Variants in PDE4D observed in about 807,000 individuals in gnomAD.
PDE4D encodes 3',5'-cyclic-AMP phosphodiesterase 4D.
A neutral mutation model predicts 87.4 loss-of-function variants in PDE4D; 24 were observed. The ratio of observed to expected loss-of-function variants is 0.27; its 90% CI spans 0.20 to 0.39. The LOEUF (loss-of-function observed/expected upper bound fraction) is 0.39, where lower values mean the gene tolerates loss of function less well. Ranked by LOEUF, PDE4D falls within the 10% of genes least tolerant of loss-of-function variation. The probability of loss-of-function intolerance (pLI) is 1.00; values close to 1 mark genes in which losing one functional copy is unlikely to be tolerated. For missense variants in PDE4D, 714 were observed against 1,041.0 expected, an observed-to-expected ratio of 0.69 and a Z score of 4.32; for synonymous variants, 384 against 383.2, an observed-to-expected ratio of 1.00 and a Z score of -0.02.
chr5:60,019,712 G>A (rs1321396369), intron 2 of PDE4D, among the ~76,000 whole-genome samples: 1 of 152,244 alleles, frequency 6.6e-6, no homozygotes, highest in South Asian at 2.1e-4. Context: ...CTTGAGATTA[G>A]GCTTTGGTTT....
rs376685276 is a variant in PDE4D at position 60,372,842 on chromosome 5, G to T, written c.-90+115100C>A. On this transcript the variant is annotated intron_variant, in intron 1 of 16. Coordinates refer to the PDE4D transcript ENST00000502484. ...CTTAAAATCCCTGGTTCAATGCCTG[G>T]TAGATATTTTGTGCTTAGTAAATAT... is the stretch of plus-strand genomic sequence containing the variant. 56 of 152,270 alleles carry T rather than the reference G, an allele frequency of 3.7e-4. 1 individual carries two copies. The highest frequency in any genetic ancestry group is 1.3e-3 in the African/African-American group (55 of 41,564). The allele number at this position is 152,270 out of a possible 1,614,324, so 9.4% of individuals were successfully genotyped here.
In PDE4D at chr5:60,277,592, G is replaced by A. The variant is rs1050730357; in HGVS notation, c.-89-91905C>T. On this transcript the variant is annotated intron_variant, in intron 1 of 16. Coordinates refer to the PDE4D transcript ENST00000502484. ...AGTTCATAATATTACATCATATACT[G>A]AAATTTTGCTAAGAGAATAGATTTT... Among the ~76,000 whole-genome samples, 3 of 152,026 alleles carry A rather than the reference G, an allele frequency of 2.0e-5. No homozygotes were observed. The East Asian group carries it at 5.8e-4, about 29-fold the overall frequency.
chr5:59,629,570 G>A (rs957596803), intron 1 of PDE4D, among the ~76,000 whole-genome samples: 5 of 152,070 alleles, frequency 3.3e-5, no homozygotes, highest in African/African-American at 7.2e-5. Context: ...CACAGCCCTC[G>A]GAAAGAACCA....
At chr5:60,008,713 T>C (rs186632274) in intron 2 of PDE4D, among the ~76,000 whole-genome samples, 140 of 152,158 alleles carry the variant, frequency 9.2e-4, no homozygotes, top group African/African-American at 3.3e-3. Flanking sequence ...GGAAATAATG[T>C]CATATTATTG....
At chr5:60,041,617 G>C (rs1365815054) in intron 2 of PDE4D, among the ~76,000 whole-genome samples, 1 of 152,150 alleles carries the variant, frequency 6.6e-6, no homozygotes, top group Non-Finnish European at 1.5e-5. Context: ...CATCTCATTG[G>C]GACTGGTTAG....
At chr5:59,055,726 T>C (rs1762241412) in intron 5 of PDE4D, among the ~76,000 whole-genome samples, 1 of 152,174 alleles carries the variant, frequency 6.6e-6, no homozygotes, top group Non-Finnish European at 1.5e-5. Flanking sequence ...AGAATCCACA[T>C]ACTTCTTCTG....
chr5:59,703,575 T>A (rs1752925758), intron 1 of PDE4D: 1 of 534,390 alleles, frequency 1.9e-6, no homozygotes, highest in African/African-American at 1.9e-5. Flanking sequence ...TCTGGTGGTG[T>A]TTTCTTTGTC....
intron 1 of PDE4D, among the ~76,000 whole-genome samples, chr5:59,785,913 G>T (rs766051174): frequency 5.3e-5 from 8 of 151,862 alleles, no homozygotes; most frequent in African/African-American, 9.7e-5. Context: ...TCATATGGTT[G>T]GTCAGGTTAT....
chr5:59,907,508 A>C (rs1752972490), intron 3 of PDE4D, among the ~76,000 whole-genome samples: 1 of 152,090 alleles, frequency 6.6e-6, no homozygotes, highest in Non-Finnish European at 1.5e-5. Context: ...CTGGGTGATG[A>C]AATAAAATAA....
intron 1 of PDE4D, among the ~76,000 whole-genome samples, chr5:59,519,135 C>T (rs1394949418): frequency 1.3e-5 from 2 of 152,098 alleles, no homozygotes; most frequent in African/African-American, 4.8e-5. Flanking sequence ...CTCCTCTTCC[C>T]TTCTTCCTTC....
chr5:59,335,608 T>C (rs1777524013), intron 1 of PDE4D, among the ~76,000 whole-genome samples: 1 of 151,400 alleles, frequency 6.6e-6, no homozygotes, highest in Non-Finnish European at 1.5e-5. Context: ...TGATGAAGAC[T>C]TTTTTTTTAA....
At chr5:59,109,772 G>A (rs961949932) in intron 5 of PDE4D, among the ~76,000 whole-genome samples, 1 of 152,126 alleles carries the variant, frequency 6.6e-6, no homozygotes, top group Non-Finnish European at 1.5e-5. Context: ...TCTTTCAGGG[G>A]CAAATTATGA....
intron 1 of PDE4D, among the ~76,000 whole-genome samples, chr5:59,877,357 T>C (rs1451691685): frequency 1.3e-5 from 2 of 151,100 alleles, no homozygotes; most frequent in African/African-American, 4.9e-5. Context: ...AAACATACAA[T>C]TGATAAAAAG....
intron 1 of PDE4D, among the ~76,000 whole-genome samples, chr5:59,676,091 A>T (rs925865324): frequency 7.1e-6 from 1 of 140,732 alleles, no homozygotes; most frequent in East Asian, 2.0e-4. Context: ...ATATATGTAT[A>T]TGTATATACA....
intron 1 of PDE4D, among the ~76,000 whole-genome samples, chr5:59,744,146 C>T (rs1759264856): frequency 6.6e-6 from 1 of 152,118 alleles, no homozygotes; most frequent in Non-Finnish European, 1.5e-5. Flanking sequence ...TCTGATTGAC[C>T]TGTCAACTCA....
At chr5:59,659,642 T>C (rs778482148) in intron 1 of PDE4D, among the ~76,000 whole-genome samples, 1 of 152,254 alleles carries the variant, frequency 6.6e-6, no homozygotes, top group Non-Finnish European at 1.5e-5. Flanking sequence ...CTCCTTTCTC[T>C]GACAGTGTCC....
At chr5:60,182,136 T>C (rs1784422429) in intron 2 of PDE4D, among the ~76,000 whole-genome samples, 1 of 152,158 alleles carries the variant, frequency 6.6e-6, no homozygotes, top group Non-Finnish European at 1.5e-5. Flanking sequence ...GAAAGAACAA[T>C]ATAAAATAAG....
intron 7 of PDE4D, 86 bp downstream of exon 7, chr5:58,993,286 A>T (rs935148400): frequency 4.4e-6 from 3 of 688,264 alleles, no homozygotes; most frequent in African/African-American, 1.9e-5. Flanking sequence ...TTGGTTTCCA[A>T]AATGAGTTGG....
chr5:59,099,033 C>T (rs1341256123), intron 5 of PDE4D, among the ~76,000 whole-genome samples: 1 of 152,158 alleles, frequency 6.6e-6, no homozygotes, highest in African/African-American at 2.4e-5. Flanking sequence ...AATCTTTTGA[C>T]TAGGCAGATG....
Sources: gnomAD v4.1 joint callset for allele counts (sites outside exome capture counted in the v4.1 genomes callset) on GRCh38, gnomAD v4.1.1 for gene constraint, MANE v1.5 for transcripts, NCBI Gene and HGNC (gene_info 2026-07-23, HGNC 2026-07-21) for gene names.